MYO1B: variants seen among roughly 807,000 people sequenced by gnomAD.
The protein encoded by MYO1B is unconventional myosin-Ib.
In MYO1B, 72 loss-of-function variants were observed where a neutral mutation model predicts 159.7. The observed-to-expected ratio is 0.45, with a 90% CI of 0.37 to 0.55. The LOEUF (loss-of-function observed/expected upper bound fraction) is 0.55. Among genes scored for constraint, MYO1B ranks in the 20% least tolerant of loss-of-function variants. The probability of loss-of-function intolerance (pLI) is 0.00; values close to 1 mark genes in which losing one functional copy is unlikely to be tolerated. For synonymous variants in MYO1B, 468 were observed against 473.8 expected, an observed-to-expected ratio of 0.99 and a Z score of 0.16; for missense variants, 1,062 against 1,364.8, an observed-to-expected ratio of 0.78 and a Z score of 3.50.
At chr2:191,322,689 G>C (rs1194716160) in intron 3 of MYO1B, among the ~76,000 whole-genome samples, 3 of 152,112 alleles carry the variant, frequency 2.0e-5, no homozygotes, top group Non-Finnish European at 4.4e-5. Context: ...TCTGTAACTA[G>C]GATGTGAACT....
chr2:191,289,559 C>T (rs1688577943), intron 2 of MYO1B, among the ~76,000 whole-genome samples: 1 of 152,128 alleles, frequency 6.6e-6, no homozygotes, highest in Non-Finnish European at 1.5e-5. Flanking sequence ...AAACAAATAA[C>T]TGAAATTCAT....
intron 13 of MYO1B, among the ~76,000 whole-genome samples, chr2:191,380,019 T>C (rs991344532): frequency 3.3e-5 from 5 of 152,184 alleles, no homozygotes; most frequent in African/African-American, 1.2e-4. Flanking sequence ...GTAAGACTCT[T>C]CAAGACATAA....
intron 1 of MYO1B, among the ~76,000 whole-genome samples, chr2:191,254,566 C>T (rs1686323103): frequency 6.6e-6 from 1 of 151,924 alleles, no homozygotes; most frequent in Non-Finnish European, 1.5e-5. Context: ...AATGCAATGG[C>T]ATGATCGTAG....
chr2:191,286,492 T>G (rs1215583930), intron 2 of MYO1B, among the ~76,000 whole-genome samples: 1 of 152,198 alleles, frequency 6.6e-6, no homozygotes, highest in Non-Finnish European at 1.5e-5. Context: ...TTCCTCATAT[T>G]GGAGTGAATA....
intron 1 of MYO1B, among the ~76,000 whole-genome samples, chr2:191,251,563 A>G (rs1387276633): frequency 2.6e-5 from 4 of 152,238 alleles, no homozygotes; most frequent in Admixed American, 1.3e-4. Context: ...TTTCAGTCCA[A>G]TTCTTCCTGG....
intron 30 of MYO1B, among the ~76,000 whole-genome samples, chr2:191,416,689 A>G (rs1030223018): frequency 1.3e-5 from 2 of 151,896 alleles, no homozygotes; most frequent in African/African-American, 4.8e-5. Flanking sequence ...TGGCGGGCGC[A>G]TGTAATCCCA....
At chr2:191,391,970 A>G (rs1695780971) in intron 18 of MYO1B, 138 bp from the exon 19 acceptor site, 1 of 558,008 alleles carries the variant, frequency 1.8e-6, no homozygotes, top group Admixed American at 3.1e-5. Flanking sequence ...TTCTTTGATA[A>G]ATGGATGATT....
At position 191,367,958 on chromosome 2, in the gene MYO1B, T is replaced by C. The variant is rs374429610; in HGVS notation, c.1033-1584T>C. 5.3e-5 allele frequency among the ~76,000 whole-genome samples: 8 copies of C among 152,334 alleles called. No individual in the cohort carries two copies. In the East Asian group the frequency reaches 1.2e-3, roughly 22 times the overall value. ...AAGATGCATCTAAATTATATTTTGA[T>C]TTCTCTGTTTTAGCATTTGACATGC... is the stretch of plus-strand genomic sequence containing the variant. On this transcript the variant is annotated intron_variant, in intron 11 of 30. Transcript: ENST00000392318.
Position 191,321,905 on chromosome 2 carries a change from C to T in MYO1B, c.252-8030C>T, listed in dbSNP as rs752290179. 3.9e-5 allele frequency among the ~76,000 whole-genome samples: 6 copies of T among 152,210 alleles called. No homozygotes were observed. In the South Asian group the frequency reaches 8.3e-4, roughly 21 times the overall value. ...CTCAGAGCCCTCACAGTGAGTACAACGCCTCTTACCTCATGAGTATCCATG... is the reference window on the plus strand; with the variant it reads ...CTCAGAGCCCTCACAGTGAGTACAATGCCTCTTACCTCATGAGTATCCATG... On this transcript the variant is annotated intron_variant, in intron 3 of 30. Coordinates refer to ENST00000392318, the MANE Select transcript of MYO1B (RefSeq NM_001130158.3).
At chr2:191,362,706 T>C (rs1274912361) in intron 9 of MYO1B, among the ~76,000 whole-genome samples, 1 of 152,250 alleles carries the variant, frequency 6.6e-6, no homozygotes, top group East Asian at 1.9e-4. Flanking sequence ...CCTTGGATCA[T>C]GTTAAATCAA....
intron 5 of MYO1B, among the ~76,000 whole-genome samples, chr2:191,343,192 G>T (rs562814201): frequency 3.3e-5 from 5 of 152,204 alleles, no homozygotes. Flanking sequence ...AGGCTAGATA[G>T]GTAGTTTGGT....
intron 7 of MYO1B, among the ~76,000 whole-genome samples, chr2:191,358,323 CTCTT>C (rs748580002): frequency 2.0e-5 from 3 of 152,180 alleles, no homozygotes; most frequent in African/African-American, 4.8e-5. Context: ...AGGGAAGGTT[CTCTT>C]TCTATTTTCC....
intron 1 of MYO1B, among the ~76,000 whole-genome samples, chr2:191,266,855 G>A (rs1399171169): frequency 6.6e-6 from 1 of 152,204 alleles, no homozygotes; most frequent in Non-Finnish European, 1.5e-5. Flanking sequence ...AATTAGTCTA[G>A]ATGGTATATT....
At chr2:191,279,725 A>G (rs951306761) in intron 2 of MYO1B, among the ~76,000 whole-genome samples, 9 of 151,954 alleles carry the variant, frequency 5.9e-5, no homozygotes, top group African/African-American at 2.2e-4. Flanking sequence ...CTTCTGCTTC[A>G]CTCTGTTTTT....
chr2:191,411,467 G>T (rs947200719), intron 27 of MYO1B, among the ~76,000 whole-genome samples: 3 of 152,174 alleles, frequency 2.0e-5, no homozygotes, highest in Non-Finnish European at 2.9e-5. Context: ...GTTAAGATAC[G>T]TTTGCATTGT....
At chr2:191,273,166 T>C (rs1001963693) in intron 1 of MYO1B, among the ~76,000 whole-genome samples, 1 of 152,342 alleles carries the variant, frequency 6.6e-6, no homozygotes, top group East Asian at 1.9e-4. Flanking sequence ...TTGCCCAAGC[T>C]GGAGTGCAGT....
Position 191,329,962 on chromosome 2 carries a change from A to G in MYO1B, c.279A>G (p.Arg93=). 1 of 1,612,708 alleles carries G rather than the reference A, an allele frequency of 6.2e-7. No individual in the cohort carries two copies. The highest frequency in any genetic ancestry group is 1.1e-5 in the South Asian group (1 of 90,958). ...TTGCCCTTTCGGATGAAGCATACAG[A>G]TCCCTACGAGATCAAGATAAGGACC... ...HIFALSDEAY[R]SLRDQDKDQC... The change falls in exon 4 of 31, where the codon AGA becomes AGG. Residue 93 remains arginine, a synonymous_variant. Coordinates refer to ENST00000392318, the MANE Select transcript of MYO1B (RefSeq NM_001130158.3).
Position 191,424,792 on chromosome 2 carries a change from C to T in MYO1B, c.*832C>T, listed in dbSNP as rs1698133139. ...ATGATCCTCGAAATGATAATATCTC[C>T]AGAATATTGTTTTCACCCAAATTTG... On this transcript the variant is annotated 3_prime_UTR_variant, in exon 31 of 31. Transcript: ENST00000392318. The T allele has an allele frequency of 6.6e-6, 1 of 152,472 alleles. No individual in the cohort carries two copies. Among genetic ancestry groups the T allele is most frequent in the Admixed American group, 6.5e-5 (1 of 15,268 alleles). 9.4% of individuals were successfully genotyped at this position (152,472 alleles called of 1,614,324 possible). A position where few individuals can be genotyped will look rare whatever the true frequency, so the allele number is the denominator to read the frequency against.
At chr2:191,346,423 A>G (rs974082865) in intron 6 of MYO1B, 141 bp downstream of exon 6, 1 of 559,620 alleles carries the variant, frequency 1.8e-6, no homozygotes, top group Non-Finnish European at 2.9e-6. Flanking sequence ...ACAAAGTTCT[A>G]TAAGGACTCT....
Sources: allele counts gnomAD v4.1 joint callset (sites outside exome capture counted in the v4.1 genomes callset), GRCh38; gene constraint gnomAD v4.1.1; transcripts MANE v1.5; gene names NCBI Gene and HGNC (gene_info 2026-07-23, HGNC 2026-07-21).